PMS2: variants seen among roughly 807,000 people sequenced by gnomAD.
The protein encoded by PMS2 is mismatch repair endonuclease PMS2.
PMS2 carries 69 observed loss-of-function variants against 90.0 expected under a neutral mutation model. The ratio of observed to expected loss-of-function variants is 0.77; its 90% CI spans 0.63 to 0.94. The LOEUF is 0.94. PMS2 is among the 40% of genes least tolerant of loss of function. The pLI, the probability that PMS2 is intolerant of heterozygous loss-of-function variation, is 0.00. For missense variants in PMS2, 966 were observed against 1,040.2 expected, an observed-to-expected ratio of 0.93 and a Z score of 0.98; for synonymous variants, 332 against 375.1, an observed-to-expected ratio of 0.89 and a Z score of 1.33.
rs1336375415 is a variant in PMS2 at position 5,995,691 on chromosome 7, G to C, written c.804-58C>G. On this transcript the variant is annotated intron_variant, in intron 7 of 14. Coordinates refer to ENST00000265849, the MANE Select transcript of PMS2 (RefSeq NM_000535.7). ...CCAGAGTGAAAGGGATTAGAAATAC[G>C]ATCACATGGCACATTCTTAAAGTGA... is the stretch of plus-strand genomic sequence containing the variant. The C allele has an allele frequency of 1.8e-6, 2 of 1,122,598 alleles. No homozygotes were observed. Among genetic ancestry groups the C allele is most frequent in the South Asian group, 1.2e-5 (1 of 81,236 alleles). The allele number at this position is 1,122,598 out of a possible 1,614,324, so 69.5% of individuals were successfully genotyped here. A position where few individuals can be genotyped will look rare whatever the true frequency, so the allele number is the denominator to read the frequency against.
rs1305402798 is a variant in PMS2, at chr7:5,977,751, A to T, written c.2282T>A (p.Val761Asp). ...GGAAATCAGTTTAGCCCTTTCAGTG[A>T]CTGGAGCTAAAAGAATACAATTTTG... The part of the protein sequence containing the change: ...FDFVIDENAP[V>D]TERAKLISLP... The change falls in exon 14 of 15, where the codon GTC (valine) becomes GAC (aspartate). Residue 761 changes from valine (V) to aspartate (D), a missense_variant. Around this residue, in one of 2 missense-constraint regions of PMS2, gnomAD observed 95 missense variants for 237.8 expected, o/e 0.40. Transcript: ENST00000265849. 6.2e-7 allele frequency: 1 copy of T among 1,605,470 alleles called. No homozygotes were observed. The highest frequency in any genetic ancestry group is 1.1e-5 in the South Asian group (1 of 90,596).
intron 1 of PMS2, among the ~76,000 whole-genome samples, chr7:6,008,599 A>T: frequency 6.6e-6 from 1 of 152,166 alleles, no homozygotes; most frequent in East Asian, 1.9e-4. Flanking sequence ...AAAAAAAATT[A>T]AAAATAAAAT....
rs1311237867 is a variant in PMS2, at chr7:5,987,004, A to C, written c.1761T>G (p.Ser587Arg). The part of the protein sequence containing the change: ...KRFKKEEILS[S>R]SDICQKLVNT... ...TTACTAACTTTTGACAAATGTCAGAACTGGAAAGAATTTCTTCTTTTTTAA... is the reference window on the plus strand; with the variant it reads ...TTACTAACTTTTGACAAATGTCAGACCTGGAAAGAATTTCTTCTTTTTTAA... The change falls in exon 11 of 15, where the codon AGT (serine) becomes AGG (arginine). Residue 587 changes from serine to arginine, a missense_variant. Physicochemically the swap from Ser to Arg is moderately radical, Grantham distance 110 (BLOSUM62 -1). Around this residue, in one of 2 missense-constraint regions of PMS2, gnomAD observed 871 missense variants for 802.4 expected, o/e 1.09. Transcript: ENST00000265849. 1.9e-6 allele frequency: 3 copies of C among 1,614,238 alleles called. No individual in the cohort carries two copies. In the Admixed American group the frequency reaches 5.0e-5, roughly 27 times the overall value.
In PMS2 at chr7:6,006,035, G is replaced by A. The variant is rs2345056; in HGVS notation, c.24-4C>T. Reference sequence around the variant, plus strand: ...GATGGCCTTAGCAGGTTCTGTACTAGAGAAATCAGTTACAAGAAACAAATC... The same window carrying A: ...GATGGCCTTAGCAGGTTCTGTACTAAAGAAATCAGTTACAAGAAACAAATC... On this transcript the variant is annotated splice_region_variant and splice_polypyrimidine_tract_variant and intron_variant, in intron 1 of 14. Coordinates refer to ENST00000265849, the MANE Select transcript of PMS2 (RefSeq NM_000535.7). 6.2e-7 allele frequency: 1 copy of A among 1,610,570 alleles called. No homozygotes were observed.
intron 5 of PMS2, among the ~76,000 whole-genome samples, chr7:6,000,895 G>A (rs1250574165): frequency 2.0e-5 from 3 of 152,116 alleles, no homozygotes; most frequent in East Asian, 3.8e-4. Flanking sequence ...AGAGGCTGAG[G>A]CAGGAGAATC....
chr7:6,008,947 C>G (rs1450263596), intron 1 of PMS2, 50 bp downstream of exon 1: 2 of 1,610,732 alleles, frequency 1.2e-6, no homozygotes, highest in Admixed American at 3.3e-5. Context: ...CCGTGGGTCT[C>G]AAAGAGGGCG....
rs863224680 is a variant in PMS2, at chr7:5,999,272, A to T, written c.541T>A (p.Tyr181Asn). Residue 181 changes from tyrosine (Y) to asparagine (N), a missense_variant, in exon 6 of 15, where the codon TAT (tyrosine) becomes AAT (asparagine). By Grantham distance (143) the Tyr-to-Asn change is moderately radical. Around this residue, in one of 2 missense-constraint regions of PMS2, gnomAD observed 871 missense variants for 802.4 expected, o/e 1.09. Coordinates refer to ENST00000265849, the MANE Select transcript of PMS2 (RefSeq NM_000535.7). ...TGTAAGACCTGGACCATTTTGGCATACTCCTGTTTAAAAAACACAAACACA... is the reference window on the plus strand; with the variant it reads ...TGTAAGACCTGGACCATTTTGGCATTCTCCTGTTTAAAAAACACAAACACA... ...KEFQRNIKKE[Y>N]AKMVQVLHAY... 2.5e-6 allele frequency: 4 copies of T among 1,613,370 alleles called. No homozygotes were observed. The highest frequency in any genetic ancestry group is 3.4e-6 in the Non-Finnish European group (4 of 1,179,492).
chr7:5,997,211 C>G (rs1784503301), intron 7 of PMS2, 115 bp downstream of exon 7: 1 of 687,362 alleles, frequency 1.5e-6, no homozygotes, highest in Non-Finnish European at 2.6e-6. Flanking sequence ...AAGACTCCGT[C>G]TCAAGAAAAA....
At chr7:6,003,238 G>A (rs1360927665) in intron 4 of PMS2, 4 of 151,620 alleles carry the variant, frequency 2.6e-5, no homozygotes, top group Non-Finnish European at 5.8e-5. Flanking sequence ...AGATTGCAGT[G>A]AGCCGAGACT....
In PMS2 at chr7:5,999,287, A is replaced by C. The variant is rs1554302551; in HGVS notation, c.538-12T>G. 8.1e-6 allele frequency: 13 copies of C among 1,608,132 alleles called. No individual in the cohort carries two copies. Among genetic ancestry groups the C allele is most frequent in the Non-Finnish European group, 1.0e-5 (12 of 1,174,508 alleles). On this transcript the variant is annotated splice_polypyrimidine_tract_variant and intron_variant, in intron 5 of 14. Transcript: ENST00000265849. ...ATTTTGGCATACTCCTGTTTAAAAA[A>C]CACAAACACAATATTCTACATTACT... is the stretch of plus-strand genomic sequence containing the variant.
At chr7:5,998,287 G>C (rs1406643362) in intron 6 of PMS2, among the ~76,000 whole-genome samples, 2 of 150,594 alleles carry the variant, frequency 1.3e-5, no homozygotes, top group African/African-American at 4.9e-5. Context: ...TCACCATATT[G>C]ATCAGGCTGG....
At position 6,004,308 on chromosome 7, in the gene PMS2, G is replaced by C. The variant is rs1785467813; in HGVS notation, c.164-250C>G. ...CCTAGGCTAGTGAAGTGAAGCAGTT[G>C]GAGTGGAGAAGGAACAAAAAAAATC... On this transcript the variant is annotated intron_variant, in intron 2 of 14. Transcript: ENST00000265849. 2.0e-5 allele frequency: 7 copies of C among 353,000 alleles called. No homozygotes were observed. The Admixed American group carries it at 2.7e-4, about 14-fold the overall frequency. 21.9% of individuals were successfully genotyped at this position (353,000 alleles called of 1,614,324 possible).
intron 1 of PMS2, among the ~76,000 whole-genome samples, chr7:6,007,709 T>C (rs985649819): frequency 6.6e-6 from 1 of 152,100 alleles, no homozygotes; most frequent in Non-Finnish European, 1.5e-5. Context: ...TAAACAAACC[T>C]CTTTACTCTT....
intron 7 of PMS2, among the ~76,000 whole-genome samples, chr7:5,996,432 G>A (rs912901353): frequency 4.0e-5 from 6 of 151,844 alleles, no homozygotes; most frequent in African/African-American, 7.3e-5. Context: ...GTGAACACCT[G>A]TAGTCCCAGC....
At chr7:5,981,912 G>A (rs2692550) in intron 12 of PMS2, among the ~76,000 whole-genome samples, 2 of 151,626 alleles carry the variant, frequency 1.3e-5, no homozygotes, top group Admixed American at 6.6e-5. Context: ...TCTAGGCACT[G>A]AATAAATGGT....
intron 11 of PMS2, among the ~76,000 whole-genome samples, chr7:5,985,217 C>G (rs1009914880): frequency 1.1e-4 from 17 of 151,876 alleles, no homozygotes; most frequent in Non-Finnish European, 1.9e-4. Context: ...CCTGCCTCAG[C>G]CCCCTGAGTA....
chr7:5,993,718 G>A (rs562043032), intron 8 of PMS2, among the ~76,000 whole-genome samples: 9 of 151,172 alleles, frequency 6.0e-5, no homozygotes, highest in Admixed American at 3.3e-4. Context: ...AAAATTAGCC[G>A]GGTGTGGTGA....
intron 5 of PMS2, chr7:6,002,039 A>G (rs2128813256): frequency 5.8e-6 from 1 of 171,502 alleles, no homozygotes; most frequent in East Asian, 1.6e-4. Context: ...ATATGTATAT[A>G]TATTTTTCCA....
At chr7:5,998,495 C>G (rs1363877911) in intron 6 of PMS2, among the ~76,000 whole-genome samples, 1 of 147,828 alleles carries the variant, frequency 6.8e-6, no homozygotes, top group African/African-American at 2.5e-5. Flanking sequence ...GAGTTCGAGG[C>G]CAGTCTGGCC....
Sources: gnomAD v4.1 joint callset for allele counts (sites outside exome capture counted in the v4.1 genomes callset) on GRCh38, gnomAD v4.1.1 for gene constraint, gnomAD v4.1.1 regional missense constraint, MANE v1.5 for transcripts, NCBI Gene and HGNC (gene_info 2026-07-23, HGNC 2026-07-21) for gene names.